SLC25A16: variants seen among roughly 807,000 people sequenced by gnomAD.
SLC25A16 encodes the protein solute carrier family 25 member 16.
SLC25A16 carries 39 observed loss-of-function variants against 41.5 expected under a neutral mutation model. That is an observed-to-expected ratio of 0.94 (90% CI 0.73 to 1.23). The LOEUF (loss-of-function observed/expected upper bound fraction) is 1.23, where lower values mean the gene tolerates loss of function less well. Among genes scored for constraint, SLC25A16 ranks in the 50% most tolerant of loss-of-function variants. The pLI is 0.00. For synonymous variants in SLC25A16, 146 were observed against 147.8 expected (o/e 0.99, Z 0.09); for missense variants, 421 against 426.9 (o/e 0.99, Z 0.12).
intron 1 of SLC25A16, 37 bp from the exon 2 acceptor site, chr10:68,516,880 AC>A (rs2053170088): frequency 6.9e-7 from 1 of 1,447,350 alleles, no homozygotes; most frequent in African/African-American, 1.4e-5. Flanking sequence ...GAAATTGCGT[AC>A]CATTTCTTTC....
chr10:68,487,777 A>G lies in SLC25A16; in HGVS notation c.774-565T>C, dbSNP rs7915718. On this transcript the variant is annotated intron_variant, in intron 7 of 8. Transcript: ENST00000609923. ...CAAGTCCCCTTGAATACAGTAGACC[A>G]ATACAAAATTTTCCATAAGGGCTAA... Among the ~76,000 whole-genome samples, 590 of 152,350 alleles carry G rather than the reference A, an allele frequency of 3.9e-3. 8 individuals carry two copies. Among genetic ancestry groups the G allele is most frequent in the African/African-American group, 0.014 (570 of 41,590 alleles).
Position 68,488,448 on chromosome 10 carries a change from A to G in SLC25A16, c.773+19T>C. On this transcript the variant is annotated intron_variant, in intron 7 of 8. Transcript: ENST00000609923. Reference sequence around the variant, plus strand: ...GGGTAACTATAATTTGATTAAATTAAGTTAGTGAAGAAACTTACGATATTG... The same window carrying G: ...GGGTAACTATAATTTGATTAAATTAGGTTAGTGAAGAAACTTACGATATTG... 6 of 1,462,800 alleles carry G rather than the reference A, an allele frequency of 4.1e-6. No individual in the cohort carries two copies. Among genetic ancestry groups the G allele is most frequent in the Non-Finnish European group, 5.4e-6 (6 of 1,103,210 alleles). 90.6% of individuals were successfully genotyped at this position (1,462,800 alleles called of 1,614,324 possible).
At chr10:68,526,678 C>T (rs903894442) in intron 1 of SLC25A16, among the ~76,000 whole-genome samples, 1 of 152,130 alleles carries the variant, frequency 6.6e-6, no homozygotes, top group Non-Finnish European at 1.5e-5. Context: ...GCTTGAAGGC[C>T]CAGGAAATTC....
intron 4 of SLC25A16, among the ~76,000 whole-genome samples, 158 bp from the exon 5 acceptor site, chr10:68,493,728 A>C (rs2052701808): frequency 6.6e-6 from 1 of 152,240 alleles, no homozygotes; most frequent in Non-Finnish European, 1.5e-5. Context: ...ATTAGATGGA[A>C]AACAACCTAG....
At chr10:68,527,198 T>TGCCCCCGCCACTCAC in intron 1 of SLC25A16, 48 bp downstream of exon 1, 1 of 1,536,962 alleles carries the variant, frequency 6.5e-7, no homozygotes, top group African/African-American at 1.4e-5. Flanking sequence ...CCCACAGTCC[T>TGCCCCCGCCACTCAC]GCCCCCGCCA....
At chr10:68,523,185 G>A (rs1175444159) in intron 1 of SLC25A16, among the ~76,000 whole-genome samples, 1 of 151,796 alleles carries the variant, frequency 6.6e-6, no homozygotes, top group Admixed American at 6.6e-5. Flanking sequence ...CGCCTCTCGC[G>A]TTCAAGTGAT....
intron 6 of SLC25A16, among the ~76,000 whole-genome samples, chr10:68,488,845 C>G (rs756732676): frequency 2.6e-5 from 4 of 152,044 alleles, no homozygotes; most frequent in Non-Finnish European, 5.9e-5. Flanking sequence ...GTTTACTGCA[C>G]TGAAGGAGGC....
At chr10:68,520,325 C>T (rs992697695) in intron 1 of SLC25A16, among the ~76,000 whole-genome samples, 2 of 152,100 alleles carry the variant, frequency 1.3e-5, no homozygotes, top group Admixed American at 1.3e-4. Context: ...TCACTTTCTG[C>T]AGTTTTAGTT....
intron 4 of SLC25A16, 79 bp downstream of exon 4, chr10:68,503,553 C>T: frequency 2.2e-6 from 2 of 908,876 alleles, no homozygotes; most frequent in Non-Finnish European, 3.4e-6. Flanking sequence ...CCCAATGGCA[C>T]TCATATAATC....
chr10:68,499,881 G>T lies in SLC25A16; in HGVS notation c.421+3751C>A, dbSNP rs145628869. 173 of 561,930 alleles carry T rather than the reference G, an allele frequency of 3.1e-4. 1 individual carries two copies. The highest frequency in any genetic ancestry group is 1.4e-3 in the Admixed American group (65 of 45,714). 34.8% of individuals were successfully genotyped at this position (561,930 alleles called of 1,614,324 possible). A position where few individuals can be genotyped will look rare whatever the true frequency, so the allele number is the denominator to read the frequency against. ...TAAAACTGAACAAAGACGGCAAAAA[G>T]ATTCCTGAACAGAAAGCCAAATCTC... is the stretch of plus-strand genomic sequence containing the variant. On this transcript the variant is annotated intron_variant, in intron 4 of 8. Transcript: ENST00000609923.
intron 2 of SLC25A16, among the ~76,000 whole-genome samples, chr10:68,514,324 G>A (rs1056952152): frequency 6.6e-6 from 1 of 151,880 alleles, no homozygotes; most frequent in Non-Finnish European, 1.5e-5. Context: ...GTGAAACCCC[G>A]TATCTACTAA....
At chr10:68,486,982 A>T in intron 8 of SLC25A16, 162 bp downstream of exon 8, 1 of 354,330 alleles carries the variant, frequency 2.8e-6, no homozygotes, top group Non-Finnish European at 5.0e-6. Context: ...AAAAAAAAAA[A>T]GAACCTGATT....
intron 6 of SLC25A16, among the ~76,000 whole-genome samples, chr10:68,491,896 T>C (rs888383960): frequency 6.6e-6 from 1 of 152,016 alleles, no homozygotes; most frequent in African/African-American, 2.4e-5. Context: ...TGGCGTGATC[T>C]CGGCTCACCA....
At chr10:68,518,856 T>C (rs997190163) in intron 1 of SLC25A16, among the ~76,000 whole-genome samples, 5 of 152,028 alleles carry the variant, frequency 3.3e-5, no homozygotes, top group Non-Finnish European at 5.9e-5. Context: ...AGATATTATA[T>C]CCACTATGTT....
intron 1 of SLC25A16, among the ~76,000 whole-genome samples, chr10:68,521,262 G>A (rs1213930792): frequency 2.0e-5 from 3 of 152,124 alleles, no homozygotes; most frequent in African/African-American, 7.2e-5. Context: ...AAACCGGCCG[G>A]CTGTGGTGGT....
chr10:68,504,766 C>T (rs1323551466), intron 3 of SLC25A16, among the ~76,000 whole-genome samples: 1 of 152,040 alleles, frequency 6.6e-6, no homozygotes, highest in African/African-American at 2.4e-5. Context: ...CTGCAACCTC[C>T]GTATCCCGGG....
intron 1 of SLC25A16, chr10:68,517,178 C>T: frequency 9.9e-7 from 1 of 1,011,250 alleles, no homozygotes; most frequent in Non-Finnish European, 1.2e-6. Flanking sequence ...AAGTAACCTC[C>T]TCTTCTTCTG....
intron 6 of SLC25A16, 110 bp downstream of exon 6, chr10:68,493,022 T>C (rs1314587197): frequency 1.5e-6 from 1 of 686,572 alleles, no homozygotes; most frequent in Non-Finnish European, 2.6e-6. Context: ...CATTTCTTAT[T>C]AAAAGTACTT....
intron 8 of SLC25A16, among the ~76,000 whole-genome samples, chr10:68,484,604 G>C (rs1009387158): frequency 2.6e-5 from 4 of 151,244 alleles, no homozygotes; most frequent in African/African-American, 9.7e-5. Flanking sequence ...TTTTTTGTTT[G>C]TTTGTTTTTA....
Sources: gnomAD v4.1 joint callset for allele counts (sites outside exome capture counted in the v4.1 genomes callset) on GRCh38, gnomAD v4.1.1 for gene constraint, MANE v1.5 for transcripts, NCBI Gene and HGNC (gene_info 2026-07-23, HGNC 2026-07-21) for gene names.